The following COBL variants were observed in gnomAD, a reference collection of about 807,000 sequenced individuals.
The protein encoded by COBL is protein cordon-bleu.
Under a neutral mutation model 98.8 loss-of-function variants are expected in COBL, and 51 were observed. The ratio of observed to expected loss-of-function variants is 0.52; its 90% CI spans 0.41 to 0.65. COBL has a LOEUF of 0.65. Among genes scored for constraint, COBL ranks in the 30% least tolerant of loss-of-function variants. The probability of loss-of-function intolerance (pLI) is 0.00; values close to 1 mark genes in which losing one functional copy is unlikely to be tolerated. For missense variants in COBL, 1,617 were observed against 1,617.5 expected (o/e 1.00, Z 0.01); for synonymous variants, 634 against 651.7 (o/e 0.97, Z 0.41).
chr7:51,301,349 A>C lies in COBL; in HGVS notation c.41+15244T>G, dbSNP rs532246657. On this transcript the variant is annotated intron_variant, in intron 1 of 12. Coordinates refer to ENST00000265136, the MANE Select transcript of COBL (RefSeq NM_015198.5). The stretch of plus-strand genomic sequence containing the variant: ...CCTGGCATCTCCTTCCTATCTGAGC[A>C]GGAGCCTCACAGCCCGTGCTCTCCA... Among the ~76,000 whole-genome samples the C allele has an allele frequency of 2.0e-5, 3 of 152,344 alleles. No homozygotes were observed. In the East Asian group the frequency reaches 5.8e-4, roughly 29 times the overall value.
intron 5 of COBL, among the ~76,000 whole-genome samples, chr7:51,138,399 C>T (rs1799432957): frequency 6.6e-6 from 1 of 152,178 alleles, no homozygotes; most frequent in Non-Finnish European, 1.5e-5. Flanking sequence ...TTATTTAACC[C>T]TGCAGGATCT....
At chr7:51,256,352 C>T (rs769267341) in intron 1 of COBL, among the ~76,000 whole-genome samples, 5 of 152,200 alleles carry the variant, frequency 3.3e-5, no homozygotes, top group Non-Finnish European at 5.9e-5. Context: ...CCCACCATTC[C>T]ACTCTCAGGC....
At chr7:51,074,606 A>T (rs1792883699) in intron 7 of COBL, among the ~76,000 whole-genome samples, 1 of 152,224 alleles carries the variant, frequency 6.6e-6, no homozygotes, top group South Asian at 2.1e-4. Context: ...TTTATACGTA[A>T]CCTGAGTACA....
At chr7:51,095,918 TAGAC>T (rs1159498111) in intron 6 of COBL, among the ~76,000 whole-genome samples, 2 of 152,120 alleles carry the variant, frequency 1.3e-5, no homozygotes, top group Non-Finnish European at 2.9e-5. Context: ...AAAGTAGAAA[TAGAC>T]AGAAACACAA....
intron 1 of COBL, among the ~76,000 whole-genome samples, chr7:51,303,075 T>G (rs116193521): frequency 6.6e-6 from 1 of 152,116 alleles, no homozygotes; most frequent in African/African-American, 2.4e-5. Flanking sequence ...CTTCACAAAT[T>G]AGAATGTTTT....
intron 7 of COBL, among the ~76,000 whole-genome samples, chr7:51,054,392 C>G (rs1790523743): frequency 6.6e-6 from 1 of 152,148 alleles, no homozygotes; most frequent in African/African-American, 2.4e-5. Context: ...GCTGTGCAGG[C>G]CTCTTCACGC....
intron 5 of COBL, chr7:51,156,277 C>G (rs1447288881): frequency 1.0e-6 from 1 of 984,910 alleles, no homozygotes; most frequent in Non-Finnish European, 1.2e-6. Flanking sequence ...TGTTGTGGTT[C>G]TTTTCCTCTT....
chr7:51,063,459 A>G (rs1488173288), intron 7 of COBL, among the ~76,000 whole-genome samples: 1 of 152,236 alleles, frequency 6.6e-6, no homozygotes, highest in Non-Finnish European at 1.5e-5. Flanking sequence ...AGGGTTGTGC[A>G]GTATTTGACA....
intron 8 of COBL, chr7:51,033,043 G>A (rs1303076322): frequency 1.3e-5 from 2 of 151,894 alleles, no homozygotes; most frequent in South Asian, 2.1e-4. Flanking sequence ...ATGAGACATG[G>A]AACATAATGA....
At chr7:51,096,144 T>C (rs1795253085) in intron 6 of COBL, among the ~76,000 whole-genome samples, 1 of 152,094 alleles carries the variant, frequency 6.6e-6, no homozygotes, top group South Asian at 2.1e-4. Context: ...AGATTAAAAA[T>C]ATGAAAATCA....
At chr7:51,140,485 T>C (rs575126034) in intron 5 of COBL, among the ~76,000 whole-genome samples, 1 of 152,372 alleles carries the variant, frequency 6.6e-6, no homozygotes, top group African/African-American at 2.4e-5. Flanking sequence ...ACAAGTGCTT[T>C]TGACATGGGT....
At chr7:51,141,128 A>T (rs916971654) in intron 5 of COBL, among the ~76,000 whole-genome samples, 7 of 143,118 alleles carry the variant, frequency 4.9e-5, no homozygotes, top group Admixed American at 3.4e-4. Context: ...AATCGATTTA[A>T]AAAAAAAAAA....
At chr7:51,286,282 C>T (rs2129182125) in intron 1 of COBL, among the ~76,000 whole-genome samples, 1 of 148,762 alleles carries the variant, frequency 6.7e-6, no homozygotes, top group African/African-American at 2.5e-5. Context: ...TTAAAATTTT[C>T]TACTCTTCCA....
At position 51,135,240 on chromosome 7, in the gene COBL, G is replaced by A. The variant is rs562388311; in HGVS notation, c.957+918C>T. Reference sequence around the variant, plus strand: ...GGCCTCCCAAAGCGCCGGGATTACAGGCGTGAGCTACTGCACCCGGCCTAG... The same window carrying A: ...GGCCTCCCAAAGCGCCGGGATTACAAGCGTGAGCTACTGCACCCGGCCTAG... On this transcript the variant is annotated intron_variant, in intron 6 of 12. Transcript: ENST00000265136. Among the ~76,000 whole-genome samples the A allele has an allele frequency of 1.3e-4, 20 of 152,304 alleles. No homozygotes were observed. In the East Asian group the frequency reaches 1.3e-3, roughly 10 times the overall value.
chr7:51,219,329 A>G (rs935503315), intron 2 of COBL, among the ~76,000 whole-genome samples: 1 of 152,202 alleles, frequency 6.6e-6, no homozygotes, highest in Admixed American at 6.5e-5. Flanking sequence ...ATATTGCTGC[A>G]AGTAGGTGTG....
At chr7:51,093,423 T>G (rs1298901194) in intron 6 of COBL, among the ~76,000 whole-genome samples, 1 of 152,210 alleles carries the variant, frequency 6.6e-6, no homozygotes, top group African/African-American at 2.4e-5. Context: ...TACAGCCATT[T>G]TGGAAAATAT....
chr7:51,303,277 C>CG (rs1334970669), intron 1 of COBL, among the ~76,000 whole-genome samples: 1 of 152,046 alleles, frequency 6.6e-6, no homozygotes, highest in Non-Finnish European at 1.5e-5. Context: ...TCAACAATCC[C>CG]GGGCCGGGCG....
chr7:51,149,829 T>G lies in COBL; in HGVS notation c.784-13498A>C, dbSNP rs567445481. Among the ~76,000 whole-genome samples the G allele has an allele frequency of 2.0e-5, 3 of 152,300 alleles. No individual in the cohort carries two copies. The South Asian group carries it at 6.2e-4, about 32-fold the overall frequency. The stretch of plus-strand genomic sequence containing the variant: ...GCATCTTTGTAAATAGCACCTTTGT[T>G]GGCCAGGCTGGTCTTGAACTCCTGA... On this transcript the variant is annotated intron_variant, in intron 5 of 12. Transcript: ENST00000265136.
chr7:51,035,939 C>A (rs1448452917), intron 8 of COBL: 1 of 152,202 alleles, frequency 6.6e-6, no homozygotes, highest in African/African-American at 2.4e-5. Flanking sequence ...AATGATTCCG[C>A]AGTCACAAAG....
Sources: allele counts gnomAD v4.1 joint callset (sites outside exome capture counted in the v4.1 genomes callset), GRCh38; gene constraint gnomAD v4.1.1; transcripts MANE v1.5; gene names NCBI Gene and HGNC (gene_info 2026-07-23, HGNC 2026-07-21).